The following PRKG1 variants were observed in gnomAD, a reference collection of about 807,000 sequenced individuals.
PRKG1 encodes the protein cGMP-dependent protein kinase 1.
A neutral mutation model predicts 88.1 loss-of-function variants in PRKG1; 35 were observed. The observed-to-expected ratio is 0.40, with a 90% CI of 0.30 to 0.53. PRKG1 has a LOEUF of 0.53. Among genes scored for constraint, PRKG1 ranks in the 20% least tolerant of loss-of-function variants. The pLI is 0.59. For missense variants in PRKG1, 540 were observed against 839.8 expected (o/e 0.64, Z 4.41); for synonymous variants, 303 against 292.5 (o/e 1.04, Z -0.37).
At chr10:52,193,859 G>C (rs954856405) in intron 9 of PRKG1, among the ~76,000 whole-genome samples, 1 of 152,078 alleles carries the variant, frequency 6.6e-6, no homozygotes, top group African/African-American at 2.4e-5. Flanking sequence ...ATGATTTTTA[G>C]AGGAGCAGAA....
chr10:52,245,057 A>C (rs1589730216), intron 9 of PRKG1, among the ~76,000 whole-genome samples: 1 of 150,814 alleles, frequency 6.6e-6, no homozygotes, highest in Admixed American at 6.6e-5. Flanking sequence ...CAGATTAGTC[A>C]ATACACTAAG....
intron 1 of PRKG1, among the ~76,000 whole-genome samples, chr10:51,106,858 C>A (rs1844848070): frequency 6.6e-6 from 1 of 152,194 alleles, no homozygotes. Flanking sequence ...TAACTATCTG[C>A]TTCCCAACAA....
intron 9 of PRKG1, among the ~76,000 whole-genome samples, chr10:52,224,595 A>T (rs201922196): frequency 9.9e-5 from 2 of 20,176 alleles, no homozygotes; most frequent in African/African-American, 2.7e-4. Flanking sequence ...CCTTCGCCCC[A>T]CCTCCGACTC....
At chr10:51,026,127 G>A (rs1425957723) in intron 1 of PRKG1, among the ~76,000 whole-genome samples, 1 of 152,134 alleles carries the variant, frequency 6.6e-6, no homozygotes, top group East Asian at 1.9e-4. Context: ...GAAGCTAGGA[G>A]AGATGCATGG....
In PRKG1 at chr10:52,280,927, A is replaced by C; in HGVS notation, c.1542A>C (p.Lys514Asn). ...TCCTAGATCACCGAGGTTATGCCAA[A>C]CTGGTCAGTGCATTTCATACGTGCT... ...NLILDHRGYA[K>N]LVDFGFAKKI... The change falls in exon 13 of 18, where the codon AAA (lysine) becomes AAC (asparagine). Residue 514 changes from lysine (K) to asparagine (N), a missense_variant. By Grantham distance (94) the Lys-to-Asn change is moderately conservative (BLOSUM62 0). Transcript: ENST00000373980. 6.2e-7 allele frequency: 1 copy of C among 1,613,140 alleles called. No individual in the cohort carries two copies.
At chr10:51,206,356 G>T (rs939834870) in intron 2 of PRKG1, among the ~76,000 whole-genome samples, 3 of 151,906 alleles carry the variant, frequency 2.0e-5, no homozygotes, top group Non-Finnish European at 2.9e-5. Context: ...AGCCAGGCGT[G>T]GGGGTGGGCG....
intron 5 of PRKG1, among the ~76,000 whole-genome samples, chr10:52,008,908 A>G (rs1414149892): frequency 2.0e-5 from 3 of 152,192 alleles, no homozygotes; most frequent in African/African-American, 4.8e-5. Flanking sequence ...GACTCATCAC[A>G]TAAACAGAAC....
At chr10:51,032,453 T>C (rs916904155) in intron 1 of PRKG1, among the ~76,000 whole-genome samples, 1 of 152,116 alleles carries the variant, frequency 6.6e-6, no homozygotes, top group African/African-American at 2.4e-5. Context: ...ATGTGTTCAA[T>C]GTAATATACA....
At chr10:51,550,653 G>A (rs183242159) in intron 3 of PRKG1, among the ~76,000 whole-genome samples, 6 of 151,804 alleles carry the variant, frequency 4.0e-5, no homozygotes, top group Non-Finnish European at 8.8e-5. Flanking sequence ...GATCATATTT[G>A]GAATGGCCTT....
At chr10:51,170,135 G>C (rs1319095906) in intron 2 of PRKG1, among the ~76,000 whole-genome samples, 1 of 151,708 alleles carries the variant, frequency 6.6e-6, no homozygotes. Context: ...GGTCAGATTG[G>C]GTTTTGTTCA....
intron 1 of PRKG1, among the ~76,000 whole-genome samples, chr10:51,116,014 C>T (rs1475072275): frequency 6.6e-6 from 1 of 152,048 alleles, no homozygotes; most frequent in South Asian, 2.1e-4. Context: ...GAGAGCTTCA[C>T]TGTAGGGAGG....
At chr10:51,523,554 C>A (rs969709042) in intron 3 of PRKG1, among the ~76,000 whole-genome samples, 3 of 152,118 alleles carry the variant, frequency 2.0e-5, no homozygotes, top group Non-Finnish European at 2.9e-5. Context: ...AACAAATTTT[C>A]TCCATAATTA....
At chr10:52,160,179 C>T (rs900640314) in intron 8 of PRKG1, among the ~76,000 whole-genome samples, 4 of 151,900 alleles carry the variant, frequency 2.6e-5, no homozygotes, top group African/African-American at 7.2e-5. Context: ...TTAACATTCT[C>T]TAAACTCGGA....
intron 9 of PRKG1, among the ~76,000 whole-genome samples, chr10:52,219,938 G>A (rs1840201045): frequency 6.6e-6 from 1 of 152,146 alleles, no homozygotes; most frequent in South Asian, 2.1e-4. Context: ...TTAAAAGTTG[G>A]TAGGTCATTC....
At chr10:51,311,108 A>T (rs1490317470) in intron 2 of PRKG1, among the ~76,000 whole-genome samples, 2 of 152,106 alleles carry the variant, frequency 1.3e-5, no homozygotes, top group African/African-American at 2.4e-5. Context: ...CACAGTAAGC[A>T]TTTCTCAGGG....
intron 8 of PRKG1, among the ~76,000 whole-genome samples, chr10:52,157,979 TC>T (rs1233732242): frequency 6.6e-6 from 1 of 151,690 alleles, no homozygotes; most frequent in African/African-American, 2.4e-5. Context: ...AGATTTTCTA[TC>T]CCAAGAAAAG....
At chr10:51,228,300 G>A (rs1405726173) in intron 2 of PRKG1, among the ~76,000 whole-genome samples, 1 of 152,136 alleles carries the variant, frequency 6.6e-6, no homozygotes, top group Non-Finnish European at 1.5e-5. Context: ...AGAAGCTGAG[G>A]TTATGGGGCA....
intron 3 of PRKG1, among the ~76,000 whole-genome samples, chr10:51,743,765 T>TATATATATATATATATATA (rs1837508225): frequency 1.5e-5 from 2 of 132,916 alleles, no homozygotes; most frequent in South Asian, 2.3e-4. Context: ...TATATATATA[T>TATATATATATATATATATA]TTAGTTGCCT....
At chr10:51,918,548 A>C (rs1243719741) in intron 5 of PRKG1, among the ~76,000 whole-genome samples, 1 of 152,188 alleles carries the variant, frequency 6.6e-6, no homozygotes, top group African/African-American at 2.4e-5. Context: ...ATCTGCAATA[A>C]ATCAGCTTTC....
Sources: allele counts gnomAD v4.1 joint callset (sites outside exome capture counted in the v4.1 genomes callset), GRCh38; gene constraint gnomAD v4.1.1; transcripts MANE v1.5; gene names NCBI Gene and HGNC (gene_info 2026-07-23, HGNC 2026-07-21).